The following ZFYVE27 variants were observed in gnomAD, a reference collection of about 807,000 sequenced individuals.
The protein encoded by ZFYVE27 is protrudin.
Under a neutral mutation model 52.8 loss-of-function variants are expected in ZFYVE27, and 36 were observed. That is an observed-to-expected ratio of 0.68 (90% CI 0.52 to 0.90). The LOEUF is 0.90. ZFYVE27 is among the 40% of genes least tolerant of loss of function. The probability of loss-of-function intolerance (pLI) is 0.00; values close to 1 mark genes in which losing one functional copy is unlikely to be tolerated. For missense variants in ZFYVE27, 450 were observed against 527.2 expected (o/e 0.85, Z 1.43); for synonymous variants, 223 against 215.6 (o/e 1.03, Z -0.30).
intron 10 of ZFYVE27, 188 bp from the exon 11 acceptor site, chr10:97,757,077 G>C: frequency 1.4e-6 from 1 of 691,914 alleles, no homozygotes; most frequent in South Asian, 1.8e-5. Context: ...TCAGTCCTCA[G>C]GGGCTATCAG....
Position 97,757,285 on chromosome 10 carries a change from G to A in ZFYVE27, c.1063G>A (p.Ala355Thr). The A allele has an allele frequency of 1.2e-6, 2 of 1,614,164 alleles. No homozygotes were observed. Among genetic ancestry groups the A allele is most frequent in the South Asian group, 1.1e-5 (1 of 91,078 alleles). ...NNFGNCTGCS[A>T]TFSVLKKRRS... ...CTCAGGGAACTGCACGGGCTGCTCG[G>A]CCACCTTCTCAGTGCTGAAGAAGAG... is the stretch of plus-strand genomic sequence containing the variant. Residue 355 changes from alanine to threonine, a missense_variant, in exon 11 of 13, where the codon GCC (alanine) becomes ACC (threonine). Ala to Thr is a moderately conservative substitution (Grantham distance 58). Transcript: ENST00000684270.
rs904843805 is a variant in ZFYVE27, at chr10:97,737,159, G to T, written c.-164G>T. 2 of 152,532 alleles carry T rather than the reference G, an allele frequency of 1.3e-5. No individual in the cohort carries two copies. Among genetic ancestry groups the T allele is most frequent in the Admixed American group, 1.3e-4 (2 of 15,286 alleles). The allele number at this position is 152,532 out of a possible 1,614,324, so 9.4% of individuals were successfully genotyped here. A position where few individuals can be genotyped will look rare whatever the true frequency, so the allele number is the denominator to read the frequency against. Reference sequence around the variant, plus strand: ...CGTCCCGGAAGCGGCGGTGGCGGCCGCGGCGTAGGCGGAGGAGATTTTCGG... The same window carrying T: ...CGTCCCGGAAGCGGCGGTGGCGGCCTCGGCGTAGGCGGAGGAGATTTTCGG... On this transcript the variant is annotated 5_prime_UTR_variant, in exon 1 of 13. Coordinates refer to ENST00000684270, the MANE Select transcript of ZFYVE27 (RefSeq NM_001385875.1).
chr10:97,738,747 C>T (rs2042774505), intron 2 of ZFYVE27, 73 bp downstream of exon 2: 1 of 1,550,678 alleles, frequency 6.4e-7, no homozygotes, highest in Non-Finnish European at 8.9e-7. Flanking sequence ...TAACACTGAC[C>T]ATTTAGGCAG....
At position 97,759,499 on chromosome 10, in the gene ZFYVE27, C is replaced by T. The variant is rs1347381729; in HGVS notation, c.*199C>T. 13 of 657,186 alleles carry T rather than the reference C, an allele frequency of 2.0e-5. No individual in the cohort carries two copies. In the Admixed American group the frequency reaches 2.6e-4, roughly 13 times the overall value. 40.7% of individuals were successfully genotyped at this position (657,186 alleles called of 1,614,324 possible). A position where few individuals can be genotyped will look rare whatever the true frequency, so the allele number is the denominator to read the frequency against. On this transcript the variant is annotated 3_prime_UTR_variant, in exon 13 of 13. Coordinates refer to ENST00000684270, the MANE Select transcript of ZFYVE27 (RefSeq NM_001385875.1). ...CCATGAGAGTGGCTGGCAATGGCTG[C>T]TCTCAATCCCTTGAGGGAGAAGAGC...
chr10:97,742,517 T>C (rs936531487), intron 2 of ZFYVE27, among the ~76,000 whole-genome samples: 7 of 152,226 alleles, frequency 4.6e-5, no homozygotes, highest in Admixed American at 1.3e-4. Flanking sequence ...TCTTGATTTT[T>C]AATATATTAA....
chr10:97,745,008 C>A, intron 4 of ZFYVE27, 93 bp downstream of exon 4: 1 of 1,389,420 alleles, frequency 7.2e-7, no homozygotes, highest in Non-Finnish European at 9.9e-7. Flanking sequence ...TCATATTAGG[C>A]AAACCACAGC....
intron 12 of ZFYVE27, among the ~76,000 whole-genome samples, chr10:97,758,850 C>T (rs1385488898): frequency 3.9e-5 from 6 of 152,004 alleles, no homozygotes; most frequent in South Asian, 4.2e-4. Flanking sequence ...GGCGCCATCT[C>T]GGCTCACTGC....
rs189925746 is a variant in ZFYVE27, at chr10:97,746,030, T to C, written c.455+1115T>C. On this transcript the variant is annotated intron_variant, in intron 4 of 12. Transcript: ENST00000684270. ...AAATAGTTTTATATATATATACACA[T>C]ATATATATATATATATATATATTTT... Among the ~76,000 whole-genome samples, 602 of 120,406 alleles carry C rather than the reference T, an allele frequency of 5.0e-3. 3 individuals are homozygous for C. Among genetic ancestry groups the C allele is most frequent in the African/African-American group, 0.017 (510 of 29,694 alleles). The allele number at this position is 120,406 out of a possible 152,430, so 79.0% of individuals were successfully genotyped here.
In ZFYVE27 at chr10:97,749,531, G is replaced by A. The variant is rs1564821870; in HGVS notation, c.609G>A (p.Trp203Ter). The change falls in exon 6 of 13, where the codon TGG (tryptophan) becomes TGA (stop). Residue 203 changes from tryptophan (W) to a stop codon, truncating the protein, a stop_gained. Coordinates refer to ENST00000684270, the MANE Select transcript of ZFYVE27 (RefSeq NM_001385875.1). LOFTEE classifies it high-confidence loss of function. ...VCMLYLLPLC[W>*]VLTLLNSTLF... ...TGCTGTATTTGCTGCCACTCTGCTG[G>A]GTTCTCACCCTTTTAAACAGCACGC... is the stretch of plus-strand genomic sequence containing the variant. The A allele has an allele frequency of 1.2e-6, 2 of 1,614,154 alleles. No homozygotes were observed. Among genetic ancestry groups the A allele is most frequent in the East Asian group, 4.5e-5 (2 of 44,882 alleles).
chr10:97,746,051 A>T (rs200260040), intron 4 of ZFYVE27, among the ~76,000 whole-genome samples: 22,732 of 63,744 alleles, frequency 0.36, 2,309 homozygotes, highest in East Asian at 0.44. Context: ...ATATATATAT[A>T]TTTTTTTTTT....
chr10:97,739,119 C>A lies in ZFYVE27; in HGVS notation c.197+445C>A, dbSNP rs147158551. Among the ~76,000 whole-genome samples, 578 of 147,960 alleles carry A rather than the reference C, an allele frequency of 3.9e-3. 3 individuals carry two copies. The highest frequency in any genetic ancestry group is 6.3e-3 in the Non-Finnish European group (424 of 67,296). Reference sequence around the variant, plus strand: ...TTCACTACTTTTTTTTTTTTTGAGACAGAATCTTGCTGTATTGTCCAGGCT... The same window carrying A: ...TTCACTACTTTTTTTTTTTTTGAGAAAGAATCTTGCTGTATTGTCCAGGCT... On this transcript the variant is annotated intron_variant, in intron 2 of 12. Coordinates refer to ENST00000684270, the MANE Select transcript of ZFYVE27 (RefSeq NM_001385875.1).
At chr10:97,749,150 A>T (rs551169781) in intron 5 of ZFYVE27, among the ~76,000 whole-genome samples, 1 of 152,310 alleles carries the variant, frequency 6.6e-6, no homozygotes, top group South Asian at 2.1e-4. Context: ...TCAGAATGAG[A>T]AGTGGCAGAG....
chr10:97,752,097 C>T (rs900998886), intron 8 of ZFYVE27, among the ~76,000 whole-genome samples: 9 of 152,254 alleles, frequency 5.9e-5, no homozygotes, highest in Non-Finnish European at 1.3e-4. Flanking sequence ...AGCTGCTGTC[C>T]CCTTTACGCA....
rs1042371968 is a variant in ZFYVE27, at chr10:97,757,949, A to G, written c.1171+226A>G. On this transcript the variant is annotated intron_variant, in intron 12 of 12. Transcript: ENST00000684270. ...TGTGAAGGGTAATAACAAGATGAAT[A>G]CCTGTGGCTGCTTCACTAAAGTTGA... 1.3e-5 allele frequency: 7 copies of G among 521,816 alleles called. No homozygotes were observed. In the Admixed American group the frequency reaches 2.4e-4, roughly 18 times the overall value. The allele number at this position is 521,816 out of a possible 1,614,324, so 32.3% of individuals were successfully genotyped here. A position where few individuals can be genotyped will look rare whatever the true frequency, so the allele number is the denominator to read the frequency against.
chr10:97,750,890 G>A (rs906130230), intron 7 of ZFYVE27, among the ~76,000 whole-genome samples: 6 of 151,960 alleles, frequency 3.9e-5, no homozygotes, highest in African/African-American at 1.2e-4. Context: ...GCAGGCAGGT[G>A]CCACCACGCC....
rs755920267 is a variant in ZFYVE27, at chr10:97,750,515, G to GCCC, written c.804+49_804+51dup. ...CAGAGCCTGCTGTGGCCGCTTGTGGGCCCCCCTGTTATCAGCTTGTTTTTG... is the reference window on the plus strand; with the variant it reads ...CAGAGCCTGCTGTGGCCGCTTGTGGGCCCCCCCCCTGTTATCAGCTTGTTTTTG... On this transcript the variant is annotated intron_variant, in intron 7 of 12. Coordinates refer to ENST00000684270, the MANE Select transcript of ZFYVE27 (RefSeq NM_001385875.1). 2.9e-5 allele frequency: 46 copies of GCCC among 1,610,992 alleles called. 1 individual carries two copies. The South Asian group carries it at 5.1e-4, about 18-fold the overall frequency.
At chr10:97,743,035 C>G in intron 2 of ZFYVE27, 59 bp from the exon 3 acceptor site, 2 of 1,586,788 alleles carry the variant, frequency 1.3e-6, no homozygotes, top group Non-Finnish European at 1.7e-6. Flanking sequence ...GCTGCCTGGT[C>G]TCCCCTCCCC....
At chr10:97,752,934 G>A (rs1436232393) in intron 9 of ZFYVE27, 57 bp downstream of exon 9, 82 of 1,612,268 alleles carry the variant, frequency 5.1e-5, no homozygotes, top group South Asian at 3.6e-4. Context: ...TGGCTGAACC[G>A]GCTGCTGCCA....
At chr10:97,752,785 C>T in intron 8 of ZFYVE27, 72 bp from the exon 9 acceptor site, 11 of 1,569,522 alleles carry the variant, frequency 7.0e-6, no homozygotes, top group East Asian at 7.0e-5. Context: ...GGGGCCCCTC[C>T]AGGTAGCTTC....
Sources: gnomAD v4.1 joint callset for allele counts (sites outside exome capture counted in the v4.1 genomes callset) on GRCh38, gnomAD v4.1.1 for gene constraint, MANE v1.5 for transcripts, NCBI Gene and HGNC (gene_info 2026-07-23, HGNC 2026-07-21) for gene names.